The following TTC39B variants were observed in gnomAD, a reference collection of about 807,000 sequenced individuals.
TTC39B encodes the protein tetratricopeptide repeat domain 39B.
A neutral mutation model predicts 96.6 loss-of-function variants in TTC39B; 92 were observed. The ratio of observed to expected loss-of-function variants is 0.95; its 90% confidence interval spans 0.80 to 1.13. The LOEUF (loss-of-function observed/expected upper bound fraction) is 1.13. Ranked by LOEUF, TTC39B falls within the 50% of genes most tolerant of loss-of-function variation. The pLI, the probability that TTC39B is intolerant of heterozygous loss-of-function variation, is 0.00. For synonymous variants in TTC39B, 367 were observed against 299.4 expected (o/e 1.23, Z -2.33); for missense variants, 955 against 809.3 (o/e 1.18, Z -2.18).
chr9:15,277,279 T>A (rs1300628375), intron 1 of TTC39B, among the ~76,000 whole-genome samples: 3 of 152,052 alleles, frequency 2.0e-5, no homozygotes, highest in African/African-American at 7.2e-5. Context: ...AAATACAAAA[T>A]TAGTTGGGCG....
At chr9:15,170,031 CA>C (rs1171070616) in exon 20 of TTC39B, 2 of 152,104 alleles carry the variant, frequency 1.3e-5, no homozygotes, top group Admixed American at 6.5e-5. Flanking sequence ...AGCTTTTTTC[CA>C]AAAAGCTTTT....
intron 8 of TTC39B, among the ~76,000 whole-genome samples, chr9:15,194,801 A>AT (rs1374201483): frequency 6.6e-6 from 1 of 152,194 alleles, no homozygotes; most frequent in Admixed American, 6.5e-5. Context: ...AACCACACCC[A>AT]TATAAGAGCG....
At chr9:15,216,553 T>C (rs1288229974) in intron 3 of TTC39B, among the ~76,000 whole-genome samples, 2 of 152,196 alleles carry the variant, frequency 1.3e-5, no homozygotes, top group Non-Finnish European at 2.9e-5. Flanking sequence ...TGACACCTCC[T>C]ATAACAGTCC....
exon 20 of TTC39B, chr9:15,167,025 TA>T (rs1235588786): frequency 1.7e-3 from 24 of 14,410 alleles, no homozygotes; most frequent in African/African-American, 2.1e-3. Context: ...TATATATATA[TA>T]TATTTTTTTT....
chr9:15,301,327 C>T (rs1002492847), intron 1 of TTC39B, among the ~76,000 whole-genome samples: 1 of 152,226 alleles, frequency 6.6e-6, no homozygotes, highest in Non-Finnish European at 1.5e-5. Context: ...AGAAATAGTA[C>T]AGTGACTTGT....
chr9:15,178,645 A>G (rs771308575), intron 17 of TTC39B, among the ~76,000 whole-genome samples: 1 of 152,216 alleles, frequency 6.6e-6, no homozygotes, highest in South Asian at 2.1e-4. Flanking sequence ...AGTTCACTCT[A>G]TTCACTTTAA....
chr9:15,247,103 T>A (rs768418803), intron 2 of TTC39B, among the ~76,000 whole-genome samples: 4 of 152,126 alleles, frequency 2.6e-5, no homozygotes, highest in Non-Finnish European at 5.9e-5. Context: ...CAGGTCAAAT[T>A]CAAAGAGATC....
intron 1 of TTC39B, among the ~76,000 whole-genome samples, chr9:15,283,396 G>A (rs1823839329): frequency 6.6e-6 from 1 of 152,158 alleles, no homozygotes. Flanking sequence ...ATTAGCTTTT[G>A]CACCTTTATG....
chr9:15,224,323 T>G (rs1821005654), intron 3 of TTC39B: 2 of 152,658 alleles, frequency 1.3e-5, no homozygotes, highest in South Asian at 2.1e-4. Context: ...CTCTGCTGAC[T>G]GCATTCCAGA....
intron 2 of TTC39B, among the ~76,000 whole-genome samples, chr9:15,264,747 A>ATATATATATATC (rs1823067686): frequency 6.8e-6 from 1 of 147,108 alleles, no homozygotes; most frequent in African/African-American, 2.5e-5. Context: ...ATATATATAT[A>ATATATATATATC]TCTTATAACA....
chr9:15,173,977 CTG>C (rs1209071419), intron 19 of TTC39B, among the ~76,000 whole-genome samples: 3 of 152,168 alleles, frequency 2.0e-5, no homozygotes, highest in African/African-American at 7.2e-5. Flanking sequence ...TGTTCACTAA[CTG>C]TGACTTCTGT....
chr9:15,292,268 G>A (rs1424657089), intron 1 of TTC39B, among the ~76,000 whole-genome samples: 1 of 152,130 alleles, frequency 6.6e-6, no homozygotes, highest in Admixed American at 6.5e-5. Context: ...CATACACCAC[G>A]GTGGTCCCAT....
chr9:15,209,619 A>G (rs1820070256), intron 6 of TTC39B, among the ~76,000 whole-genome samples: 1 of 152,216 alleles, frequency 6.6e-6, no homozygotes, highest in South Asian at 2.1e-4. Context: ...CTTATGAAAT[A>G]ACTTTTTAAA....
intron 7 of TTC39B, among the ~76,000 whole-genome samples, 174 bp downstream of exon 7, chr9:15,203,649 G>A (rs1819673859): frequency 1.3e-5 from 2 of 152,134 alleles, no homozygotes; most frequent in Admixed American, 6.5e-5. Flanking sequence ...AGTAGAGGAG[G>A]AACAAAGCTC....
intron 1 of TTC39B, among the ~76,000 whole-genome samples, chr9:15,293,506 A>C (rs1824264351): frequency 6.6e-6 from 1 of 152,198 alleles, no homozygotes. Flanking sequence ...AACCACAAGC[A>C]CATCAGAATG....
intron 1 of TTC39B, among the ~76,000 whole-genome samples, chr9:15,291,418 C>T (rs539305082): frequency 6.6e-6 from 1 of 152,318 alleles, no homozygotes; most frequent in South Asian, 2.1e-4. Context: ...CTCCTCCTTG[C>T]CATCTGCGAT....
chr9:15,170,022 G>A (rs974538168), exon 20 of TTC39B: 2 of 151,998 alleles, frequency 1.3e-5, no homozygotes, highest in African/African-American at 2.4e-5. Context: ...TCTTCTAAGA[G>A]CTTTTTTCCA....
intron 1 of TTC39B, among the ~76,000 whole-genome samples, chr9:15,278,414 A>T (rs1407641323): frequency 1.3e-5 from 2 of 152,192 alleles, no homozygotes; most frequent in Non-Finnish European, 2.9e-5. Context: ...TAAATGAGCA[A>T]ATTATTTTAC....
intron 5 of TTC39B, 86 bp downstream of exon 5, chr9:15,211,180 C>T: frequency 4.4e-6 from 6 of 1,362,936 alleles, no homozygotes; most frequent in Non-Finnish European, 5.8e-6. Flanking sequence ...AAACACAGAG[C>T]TTTTGGTCAG....
Sources: allele counts gnomAD v4.1 joint callset (sites outside exome capture counted in the v4.1 genomes callset), GRCh38; gene constraint gnomAD v4.1.1; transcripts MANE v1.5; gene names NCBI Gene and HGNC (gene_info 2026-07-23, HGNC 2026-07-21).